VIT: variants seen among roughly 807,000 people sequenced by gnomAD.
VIT encodes vitrin.
In VIT, 99 loss-of-function variants were observed where a neutral mutation model predicts 78.0. The observed-to-expected ratio is 1.27, with a 90% CI of 1.08 to 1.50. VIT has a LOEUF of 1.50. Ranked by LOEUF, VIT falls within the 40% of genes most tolerant of loss-of-function variation. The probability of loss-of-function intolerance (pLI) is 0.00; values close to 1 mark genes in which losing one functional copy is unlikely to be tolerated. For synonymous variants in VIT, 374 were observed against 334.3 expected (o/e 1.12, Z -1.29); for missense variants, 1,126 against 875.3 (o/e 1.29, Z -3.61).
chr2:36,798,150 G>A (rs189238314), intron 12 of VIT, among the ~76,000 whole-genome samples: 2 of 152,316 alleles, frequency 1.3e-5, no homozygotes, highest in African/African-American at 4.8e-5. Flanking sequence ...TGGATGCTTT[G>A]AAAGCCAAAA....
chr2:36,713,946 A>G (rs551107473), intron 1 of VIT, among the ~76,000 whole-genome samples: 1 of 152,374 alleles, frequency 6.6e-6, no homozygotes, highest in South Asian at 2.1e-4. Context: ...ATACAAAAAA[A>G]GTCCCTGTTA....
At chr2:36,731,007 T>C (rs770626846) in intron 3 of VIT, among the ~76,000 whole-genome samples, 1 of 152,136 alleles carries the variant, frequency 6.6e-6, no homozygotes, top group Non-Finnish European at 1.5e-5. Flanking sequence ...TGGGGATCCA[T>C]CAGAGGAAAG....
intron 13 of VIT, 32 bp downstream of exon 13, chr2:36,801,436 T>C (rs1289846467): frequency 6.5e-7 from 1 of 1,531,516 alleles, no homozygotes; most frequent in Non-Finnish European, 9.0e-7. Context: ...TATACTATCT[T>C]GCTACCATCG....
intron 1 of VIT, among the ~76,000 whole-genome samples, chr2:36,708,196 C>T (rs997486018): frequency 3.3e-5 from 5 of 150,374 alleles, no homozygotes; most frequent in African/African-American, 4.9e-5. Flanking sequence ...GGAGGCTTTA[C>T]GGTCAGGCAG....
chr2:36,807,821 T>C (rs1666839370), intron 14 of VIT, among the ~76,000 whole-genome samples: 1 of 152,202 alleles, frequency 6.6e-6, no homozygotes, highest in Admixed American at 6.5e-5. Flanking sequence ...TGAAGGTGAA[T>C]AGGTTTGTGT....
At chr2:36,774,365 C>A (rs1669931894) in intron 8 of VIT, among the ~76,000 whole-genome samples, 2 of 152,304 alleles carry the variant, frequency 1.3e-5, no homozygotes, top group African/African-American at 2.4e-5. Context: ...CCAGCAAATT[C>A]TCTTCTCTGC....
chr2:36,759,613 G>A (rs1418669766), intron 6 of VIT: 1 of 1,006,138 alleles, frequency 9.9e-7, no homozygotes, highest in Non-Finnish European at 1.2e-6. Context: ...ACTGTACTAT[G>A]CATTATTGTA....
intron 4 of VIT, among the ~76,000 whole-genome samples, chr2:36,752,476 T>C (rs142615680): frequency 6.6e-6 from 1 of 152,224 alleles, no homozygotes; most frequent in African/African-American, 2.4e-5. Context: ...CTCAGCACCA[T>C]GCAGGGCACC....
rs575566279 is a variant in VIT, at chr2:36,794,515, G to C, written c.1059-6786G>C. ...AAAAGGACACATATACGCTGGTCCT[G>C]AGACCTGCCACGGACTGCAGATTCA... On this transcript the variant is annotated intron_variant, in intron 12 of 15. Transcript: ENST00000379242. 2.6e-5 allele frequency among the ~76,000 whole-genome samples: 4 copies of C among 152,184 alleles called. No homozygotes were observed. In the South Asian group the frequency reaches 8.3e-4, roughly 32 times the overall value.
chr2:36,755,947 A>G (rs1335561681), intron 5 of VIT, among the ~76,000 whole-genome samples: 4 of 126,212 alleles, frequency 3.2e-5, no homozygotes, highest in African/African-American at 1.1e-4. Flanking sequence ...GCTTGAGGAC[A>G]ACACAGTATT....
intron 15 of VIT, among the ~76,000 whole-genome samples, chr2:36,809,984 C>G (rs11685689): frequency 0.1 from 9,109 of 87,140 alleles, 339 homozygotes; most frequent in African/African-American, 0.18. Context: ...GAGCAAGATC[C>G]TGTCTCAAAA....
intron 3 of VIT, among the ~76,000 whole-genome samples, chr2:36,733,769 T>C (rs756561797): frequency 1.3e-4 from 20 of 152,308 alleles, no homozygotes; most frequent in Non-Finnish European, 2.4e-4. Flanking sequence ...CCTGGCATTG[T>C]AAAATCAAAA....
intron 9 of VIT, among the ~76,000 whole-genome samples, chr2:36,778,706 C>G (rs1670218952): frequency 6.6e-6 from 1 of 152,152 alleles, no homozygotes; most frequent in Non-Finnish European, 1.5e-5. Flanking sequence ...ATGGCGACAC[C>G]CTGGGCACAG....
chr2:36,723,901 T>C (rs1453257744), intron 2 of VIT, among the ~76,000 whole-genome samples: 2 of 141,604 alleles, frequency 1.4e-5, no homozygotes, highest in Non-Finnish European at 3.0e-5. Flanking sequence ...CAGTACGCTG[T>C]GATCATACCA....
chr2:36,805,454 TG>T lies in VIT; in HGVS notation c.1180del (p.Val394Ter). On this transcript the variant is annotated frameshift_variant, in exon 14 of 16. Coordinates refer to ENST00000379242, the MANE Select transcript of VIT (RefSeq NM_053276.4). LOFTEE classifies it high-confidence loss of function. ...LSNVGRAISF[V>X]TKNFFSKANG... Reference sequence around the variant, plus strand: ...TTCTTCCAGGTCGGGCCATCTCCTTTGTGACCAAGAACTTCTTTTCCAAAGC... The same window carrying T: ...TTCTTCCAGGTCGGGCCATCTCCTTTTGACCAAGAACTTCTTTTCCAAAGC... 6.2e-7 allele frequency: 1 copy of T among 1,611,786 alleles called. No individual in the cohort carries two copies.
At position 36,729,487 on chromosome 2, in the gene VIT, GT is replaced by G; in HGVS notation, c.116del (p.Phe39SerfsTer22). On this transcript the variant is annotated frameshift_variant, in exon 3 of 16. Coordinates refer to ENST00000379242, the MANE Select transcript of VIT (RefSeq NM_053276.4). LOFTEE classifies it high-confidence loss of function. ...CGGCAAAGAAGATTAAAAGGCCCAA[GT>G]TCAGTAAGTAAAATCACAATTCCTT... ...ETAKKIKRPK[F>X]TVPQINCDVK... 1 of 1,608,064 alleles carries G rather than the reference GT, an allele frequency of 6.2e-7. No homozygotes were observed. The highest frequency in any genetic ancestry group is 1.3e-5 in the African/African-American group (1 of 74,912).
intron 13 of VIT, among the ~76,000 whole-genome samples, chr2:36,804,888 C>A (rs190745165): frequency 6.6e-6 from 1 of 151,926 alleles, no homozygotes; most frequent in South Asian, 2.1e-4. Flanking sequence ...TTCTTCAAAG[C>A]GGAGACAATT....
At chr2:36,732,059 C>G (rs368362932) in intron 3 of VIT, among the ~76,000 whole-genome samples, 5 of 152,198 alleles carry the variant, frequency 3.3e-5, no homozygotes, top group African/African-American at 1.2e-4. Flanking sequence ...GGACCAAGAG[C>G]CAAGAGGACC....
At chr2:36,730,410 A>C (rs1667128572) in intron 3 of VIT, among the ~76,000 whole-genome samples, 1 of 152,186 alleles carries the variant, frequency 6.6e-6, no homozygotes, top group Admixed American at 6.5e-5. Flanking sequence ...CCAGGGACCC[A>C]GACTTCTGTC....
Sources: allele counts gnomAD v4.1 joint callset (sites outside exome capture counted in the v4.1 genomes callset), GRCh38; gene constraint gnomAD v4.1.1; transcripts MANE v1.5; gene names NCBI Gene and HGNC (gene_info 2026-07-23, HGNC 2026-07-21).